LTBP1: variants seen among roughly 807,000 people sequenced by gnomAD.
The protein encoded by LTBP1 is latent transforming growth factor beta binding protein 1.
LTBP1 carries 129 observed loss-of-function variants against 207.6 expected under a neutral mutation model. The observed-to-expected ratio is 0.62, with a 90% CI of 0.54 to 0.72. The LOEUF (loss-of-function observed/expected upper bound fraction) is 0.72. LTBP1 is among the 30% of genes least tolerant of loss of function. The pLI is 0.00. For missense variants in LTBP1, 2,281 were observed against 2,217.2 expected (o/e 1.03, Z -0.58); for synonymous variants, 963 against 833.7 (o/e 1.16, Z -2.67).
At chr2:32,994,496 C>T (rs996497747) in intron 2 of LTBP1, among the ~76,000 whole-genome samples, 4 of 148,882 alleles carry the variant, frequency 2.7e-5, no homozygotes, top group East Asian at 2.0e-4. Context: ...GATAGAGTTT[C>T]GCTCTTGTTG....
intron 10 of LTBP1, among the ~76,000 whole-genome samples, chr2:33,248,044 G>A (rs745859742): frequency 3.3e-5 from 5 of 152,122 alleles, no homozygotes; most frequent in Non-Finnish European, 7.3e-5. Context: ...TCTTATGCCC[G>A]TTCTTTTCTT....
chr2:33,130,389 G>A (rs767467842), intron 4 of LTBP1, among the ~76,000 whole-genome samples: 4 of 152,200 alleles, frequency 2.6e-5, no homozygotes, highest in Non-Finnish European at 4.4e-5. Context: ...GAATGCTGAG[G>A]AGACTGTATT....
intron 24 of LTBP1, among the ~76,000 whole-genome samples, chr2:33,322,069 A>G (rs977830284): frequency 6.6e-6 from 1 of 152,128 alleles, no homozygotes; most frequent in Non-Finnish European, 1.5e-5. Flanking sequence ...ATTGTCTTCC[A>G]TATATCAACA....
At chr2:33,292,763 T>G (rs2093799345) in intron 19 of LTBP1, among the ~76,000 whole-genome samples, 1 of 152,236 alleles carries the variant, frequency 6.6e-6, no homozygotes, top group Admixed American at 6.5e-5. Flanking sequence ...CTTTTGCTTT[T>G]GTGAACTCTC....
At chr2:33,011,521 G>A (rs533323120) in intron 2 of LTBP1, among the ~76,000 whole-genome samples, 2 of 152,216 alleles carry the variant, frequency 1.3e-5, no homozygotes, top group East Asian at 1.9e-4. Context: ...CAGACACAGA[G>A]GGAAGACCGA....
intron 8 of LTBP1, among the ~76,000 whole-genome samples, chr2:33,221,105 C>A (rs115862010): frequency 0.015 from 2,239 of 152,164 alleles, 22 homozygotes; most frequent in East Asian, 0.026. Context: ...AGCTTGTTTT[C>A]TGTTGCACAG....
chr2:32,984,307 A>C (rs765243423), intron 2 of LTBP1, among the ~76,000 whole-genome samples: 1 of 152,150 alleles, frequency 6.6e-6, no homozygotes, highest in East Asian at 1.9e-4. Flanking sequence ...CATCTGAATA[A>C]ATTTCTGCTT....
intron 5 of LTBP1, among the ~76,000 whole-genome samples, chr2:33,145,148 A>G (rs2082921738): frequency 1.3e-5 from 2 of 152,170 alleles, no homozygotes; most frequent in Non-Finnish European, 2.9e-5. Flanking sequence ...GTTGAAGGGT[A>G]TGGGCCTAAG....
intron 3 of LTBP1, among the ~76,000 whole-genome samples, chr2:33,072,597 A>T (rs539953340): frequency 1.3e-5 from 2 of 152,256 alleles, no homozygotes; most frequent in East Asian, 3.9e-4. Flanking sequence ...TTCCTTGGGG[A>T]GAAAAAAGTG....
In LTBP1 at chr2:33,169,186, T is replaced by C. The variant is rs975194738; in HGVS notation, c.1202-17670T>C. The stretch of plus-strand genomic sequence containing the variant: ...TTTATTGCCCAGTGTGTTTCTTCTT[T>C]CATGTCCCATGGGGAACGTTTCTCT... On this transcript the variant is annotated intron_variant, in intron 5 of 33. Transcript: ENST00000404816. 4.5e-4 allele frequency among the ~76,000 whole-genome samples: 69 copies of C among 152,356 alleles called. 1 individual carries two copies. Among genetic ancestry groups the C allele is most frequent in the African/African-American group, 7.2e-5 (3 of 41,574 alleles).
Position 33,115,339 on chromosome 2 carries a change from A to T in LTBP1, c.1033+4588A>T, listed in dbSNP as rs78738766. On this transcript the variant is annotated intron_variant, in intron 4 of 33. Coordinates refer to ENST00000404816, the MANE Select transcript of LTBP1 (RefSeq NM_206943.4). The stretch of plus-strand genomic sequence containing the variant: ...GAAAGAAGATTAGCGGTTGCCAGGG[A>T]CAGGGGAGAGTGGGAATAGGGAATA... Among the ~76,000 whole-genome samples the T allele has an allele frequency of 1.1e-3, 170 of 152,304 alleles. 5 individuals are homozygous for T. The East Asian group carries it at 0.031, about 27-fold the overall frequency.
chr2:33,102,287 G>A (rs747945117), intron 3 of LTBP1, among the ~76,000 whole-genome samples: 12 of 152,092 alleles, frequency 7.9e-5, no homozygotes, highest in Non-Finnish European at 1.3e-4. Flanking sequence ...GGGGTGGGGG[G>A]CTGTTCTGTG....
intron 3 of LTBP1, among the ~76,000 whole-genome samples, chr2:33,088,334 C>T (rs1352588530): frequency 6.6e-6 from 1 of 152,152 alleles, no homozygotes; most frequent in African/African-American, 2.4e-5. Flanking sequence ...TGCCTGTAAT[C>T]CCAGCTACTC....
intron 15 of LTBP1, among the ~76,000 whole-genome samples, chr2:33,270,381 A>G (rs2093291362): frequency 6.6e-6 from 1 of 151,944 alleles, no homozygotes; most frequent in South Asian, 2.1e-4. Context: ...CAAGGTCAAG[A>G]GATGGAGACC....
intron 2 of LTBP1, among the ~76,000 whole-genome samples, chr2:32,974,576 C>G (rs1681420846): frequency 6.6e-6 from 1 of 152,078 alleles, no homozygotes; most frequent in African/African-American, 2.4e-5. Context: ...AGCTTTTTAA[C>G]TTGATGTGAT....
At chr2:32,961,386 G>A (rs987768648) in intron 2 of LTBP1, among the ~76,000 whole-genome samples, 1 of 152,056 alleles carries the variant, frequency 6.6e-6, no homozygotes, top group Non-Finnish European at 1.5e-5. Context: ...CAAATTAATG[G>A]GGATCCTTAC....
At chr2:33,109,347 G>C (rs771910251) in intron 3 of LTBP1, among the ~76,000 whole-genome samples, 2 of 152,184 alleles carry the variant, frequency 1.3e-5, no homozygotes, top group Non-Finnish European at 2.9e-5. Flanking sequence ...TCGGTATTTT[G>C]GGTCAGATTA....
chr2:33,236,470 A>G (rs75093246), intron 9 of LTBP1, among the ~76,000 whole-genome samples: 2,251 of 152,318 alleles, frequency 0.015, 23 homozygotes, highest in East Asian at 0.026. Context: ...CTATTTCAGC[A>G]TTTGCAAATC....
rs1178892329 is a variant in LTBP1 at position 33,171,196 on chromosome 2, G to A, written c.1202-15660G>A. Among the ~76,000 whole-genome samples, 11 of 125,138 alleles carry A rather than the reference G, an allele frequency of 8.8e-5. No individual in the cohort carries two copies. In the East Asian group the frequency reaches 1.8e-3, roughly 20 times the overall value. 82.1% of individuals were successfully genotyped at this position (125,138 alleles called of 152,430 possible). On this transcript the variant is annotated intron_variant, in intron 5 of 33. Transcript: ENST00000404816. ...GAGTTGAGAGAAGAAGGCTTCAGACGATCAAACTACTCCGAGCTACAGGAG... is the reference window on the plus strand; with the variant it reads ...GAGTTGAGAGAAGAAGGCTTCAGACAATCAAACTACTCCGAGCTACAGGAG...
Sources: allele counts gnomAD v4.1 joint callset (sites outside exome capture counted in the v4.1 genomes callset), GRCh38; gene constraint gnomAD v4.1.1; transcripts MANE v1.5; gene names NCBI Gene and HGNC (gene_info 2026-07-23, HGNC 2026-07-21).